Variants in ROR1 observed in about 807,000 individuals in gnomAD.
ROR1 encodes the protein ROR family WNT receptor 1.
In ROR1, 19 loss-of-function variants were observed where a neutral mutation model predicts 78.8. The ratio of observed to expected loss-of-function variants is 0.24; its 90% CI spans 0.17 to 0.35. The LOEUF is 0.35. Ranked by LOEUF, ROR1 falls within the 10% of genes least tolerant of loss-of-function variation. The pLI, the probability that ROR1 is intolerant of heterozygous loss-of-function variation, is 1.00. For synonymous variants in ROR1, 386 were observed against 433.6 expected (o/e 0.89, Z 1.36); for missense variants, 917 against 1,177.8 (o/e 0.78, Z 3.24).
intron 4 of ROR1, chr1:64,107,099 T>C (rs1647850503): frequency 6.6e-6 from 1 of 152,422 alleles, no homozygotes; most frequent in East Asian, 1.9e-4. Context: ...CATAGAGTAA[T>C]AATAATAGTC....
intron 1 of ROR1, among the ~76,000 whole-genome samples, chr1:63,984,087 C>G (rs1646232482): frequency 6.6e-6 from 1 of 152,080 alleles, no homozygotes; most frequent in African/African-American, 2.4e-5. Context: ...TGAAACATGC[C>G]TTTCCTAGTT....
At chr1:64,132,215 A>T (rs1246257679) in intron 4 of ROR1, among the ~76,000 whole-genome samples, 1 of 152,172 alleles carries the variant, frequency 6.6e-6, no homozygotes, top group African/African-American at 2.4e-5. Flanking sequence ...CCCACATCGT[A>T]ACCTGTTTCA....
chr1:63,774,863 G>T lies in ROR1; in HGVS notation c.91+355G>T, dbSNP rs1041495957. ...CCCCTTGTCTCCCTGGACCTCTAGCGCGCCCCAGCCGGTGTTCAGGCAAGT... is the reference window on the plus strand; with the variant it reads ...CCCCTTGTCTCCCTGGACCTCTAGCTCGCCCCAGCCGGTGTTCAGGCAAGT... On this transcript the variant is annotated intron_variant, in intron 1 of 8. Transcript: ENST00000371079. This position sits in a 1 kb window ranked among gnomAD's most constrained non-coding sequence, Gnocchi z 5.7. 3.1e-4 allele frequency among the ~76,000 whole-genome samples: 47 copies of T among 152,096 alleles called. No individual in the cohort carries two copies. Among genetic ancestry groups the T allele is most frequent in the African/African-American group, 1.1e-3 (47 of 41,442 alleles).
chr1:64,023,789 A>C (rs1214792356), intron 2 of ROR1, among the ~76,000 whole-genome samples: 1 of 152,174 alleles, frequency 6.6e-6, no homozygotes, highest in East Asian at 1.9e-4. Flanking sequence ...TATTTTTAAC[A>C]TCATTTTTAT....
At chr1:64,079,497 G>T (rs1647082255) in intron 4 of ROR1, among the ~76,000 whole-genome samples, 1 of 147,550 alleles carries the variant, frequency 6.8e-6, no homozygotes. Context: ...TTTGGAGACA[G>T]AGTCTCGCTT....
chr1:63,997,711 A>G (rs1646348870), intron 1 of ROR1, among the ~76,000 whole-genome samples: 1 of 152,130 alleles, frequency 6.6e-6, no homozygotes, highest in African/African-American at 2.4e-5. Context: ...TCAATAGTTT[A>G]GAGACAGGGG....
In ROR1 at chr1:63,828,046, GCATTTAT is replaced by G. The variant is rs542275915; in HGVS notation, c.91+53540_91+53546del. ...ATTTTCTTAAAATGTTACACATCAA[GCATTTAT>G]CTGCTAAGCCACCCCAAAAGGTAAC... On this transcript the variant is annotated intron_variant, in intron 1 of 8. Coordinates refer to ENST00000371079, the MANE Select transcript of ROR1 (RefSeq NM_005012.4). Among the ~76,000 whole-genome samples the G allele has an allele frequency of 2.0e-3, 310 of 152,230 alleles. 2 individuals carry two copies. Among genetic ancestry groups the G allele is most frequent in the East Asian group, 6.4e-3 (33 of 5,184 alleles).
intron 2 of ROR1, among the ~76,000 whole-genome samples, chr1:64,020,075 C>G (rs1646552691): frequency 6.6e-6 from 1 of 152,134 alleles, no homozygotes; most frequent in African/African-American, 2.4e-5. Flanking sequence ...AACTAAGAGA[C>G]AAGGAATGAA....
At chr1:63,955,789 A>C (rs1645977067) in intron 1 of ROR1, among the ~76,000 whole-genome samples, 1 of 152,118 alleles carries the variant, frequency 6.6e-6, no homozygotes, top group Non-Finnish European at 1.5e-5. Flanking sequence ...CCACCACCGT[A>C]GCAGTTTCCA....
At chr1:64,075,569 C>T (rs1276483086) in intron 4 of ROR1, among the ~76,000 whole-genome samples, 1 of 152,202 alleles carries the variant, frequency 6.6e-6, no homozygotes, top group Non-Finnish European at 1.5e-5. Flanking sequence ...CTGTCCTATA[C>T]ATTTTCCCTG....
intron 1 of ROR1, among the ~76,000 whole-genome samples, chr1:63,942,766 C>T (rs891111995): frequency 2.6e-5 from 4 of 152,098 alleles, no homozygotes; most frequent in Admixed American, 6.5e-5. Context: ...TCTTCCCCAC[C>T]GCTGGGCATT....
intron 1 of ROR1, among the ~76,000 whole-genome samples, chr1:63,777,366 T>C (rs1464056164): frequency 6.6e-6 from 1 of 152,226 alleles, no homozygotes; most frequent in Non-Finnish European, 1.5e-5. Context: ...TGAGCTTTTC[T>C]GGTGAAAACA....
At chr1:64,046,661 G>A (rs974558007) in intron 2 of ROR1, among the ~76,000 whole-genome samples, 1 of 152,156 alleles carries the variant, frequency 6.6e-6, no homozygotes, top group Non-Finnish European at 1.5e-5. Flanking sequence ...ACAACCCTGT[G>A]GGTATATGTG....
At chr1:64,052,998 T>C (rs1646845877) in intron 4 of ROR1, among the ~76,000 whole-genome samples, 1 of 152,144 alleles carries the variant, frequency 6.6e-6, no homozygotes, top group Non-Finnish European at 1.5e-5. Flanking sequence ...TAGCCCTCAA[T>C]AGGCAGCCAA....
chr1:64,125,490 G>A (rs1216841151), intron 4 of ROR1, among the ~76,000 whole-genome samples: 2 of 152,154 alleles, frequency 1.3e-5, no homozygotes, highest in East Asian at 3.9e-4. Context: ...TGATAGGTTA[G>A]GGGTGTTTAG....
intron 1 of ROR1, among the ~76,000 whole-genome samples, chr1:63,853,816 G>A (rs2100334429): frequency 6.6e-6 from 1 of 152,266 alleles, no homozygotes; most frequent in Admixed American, 6.5e-5. Context: ...TTATGATAAA[G>A]GATCATTCCA....
intron 4 of ROR1, among the ~76,000 whole-genome samples, chr1:64,090,828 T>TTTTCCC (rs1479308172): frequency 1.4e-4 from 21 of 152,276 alleles, no homozygotes; most frequent in African/African-American, 4.6e-4. Context: ...TTTTCCCTGG[T>TTTTCCC]GGATTTCCTT....
At chr1:64,109,971 C>T (rs906645418) in intron 4 of ROR1, among the ~76,000 whole-genome samples, 7 of 152,138 alleles carry the variant, frequency 4.6e-5, no homozygotes, top group Non-Finnish European at 7.4e-5. Flanking sequence ...TCAATTTAGA[C>T]ATCACTTCCT....
chr1:63,810,966 G>C (rs1162866764), intron 1 of ROR1, among the ~76,000 whole-genome samples: 1 of 152,194 alleles, frequency 6.6e-6, no homozygotes, highest in Non-Finnish European at 1.5e-5. Flanking sequence ...GAACTCACAT[G>C]TACTATCTGG....
Sources: gnomAD v4.1 joint callset for allele counts (sites outside exome capture counted in the v4.1 genomes callset) on GRCh38, gnomAD v4.1.1 for gene constraint, Gnocchi (gnomAD v3.1) non-coding constraint, MANE v1.5 for transcripts, NCBI Gene and HGNC (gene_info 2026-07-23, HGNC 2026-07-21) for gene names.